IGSF22: variants seen among roughly 807,000 people sequenced by gnomAD.
The protein encoded by IGSF22 is immunoglobulin superfamily member 22.
A neutral mutation model predicts 127.0 loss-of-function variants in IGSF22; 119 were observed. The ratio of observed to expected loss-of-function variants is 0.94; its 90% CI spans 0.81 to 1.09. The LOEUF is 1.09. Among genes scored for constraint, IGSF22 ranks in the 50% least tolerant of loss-of-function variants. The probability of loss-of-function intolerance (pLI) is 0.00; values close to 1 mark genes in which losing one functional copy is unlikely to be tolerated. For missense variants in IGSF22, 1,518 were observed against 1,716.6 expected (o/e 0.88, Z 2.04); for synonymous variants, 568 against 664.7 (o/e 0.85, Z 2.24).
In IGSF22 at chr11:18,712,322, T is replaced by G. The variant is rs765292522; in HGVS notation, c.2158A>C (p.Met720Leu). The change falls in exon 15 of 23, where the codon ATG (methionine) becomes CTG (leucine). Residue 720 changes from methionine to leucine, a missense_variant. Around this residue, in one of 3 missense-constraint regions of IGSF22, gnomAD observed 1,456 missense variants for 1,644.9 expected, o/e 0.89. Transcript: ENST00000513874. ...FLELSGSCVH[M>L]KWKAPKDNGG... ...TTGTCCTTTGGGGCCTTCCACTTCA[T>G]GTGCACACAACTACCTGAGAGCTCC... 16 of 1,551,598 alleles carry G rather than the reference T, an allele frequency of 1.0e-5. No homozygotes were observed. The highest frequency in any genetic ancestry group is 1.4e-5 in the Non-Finnish European group (16 of 1,146,998).
chr11:18,714,906 G>C (rs1027558604), intron 11 of IGSF22, among the ~76,000 whole-genome samples: 2 of 152,162 alleles, frequency 1.3e-5, no homozygotes, highest in Non-Finnish European at 2.9e-5. Flanking sequence ...ATTGATTAGT[G>C]GAGCGTGGTC....
In IGSF22 at chr11:18,705,809, G is replaced by A; in HGVS notation, c.3910+8C>T. The A allele has an allele frequency of 6.5e-7, 1 of 1,529,014 alleles. No homozygotes were observed. 94.7% of individuals were successfully genotyped at this position (1,529,014 alleles called of 1,614,324 possible). ...CCTCCTCGAGGCCGGACCCCGCGGC[G>A]CCCTCACCATAGACGGTGAGCGTGC... On this transcript the variant is annotated splice_region_variant and intron_variant, in intron 22 of 22. Transcript: ENST00000513874.
At chr11:18,719,653 C>G (rs1166721551) in intron 7 of IGSF22, 63 bp downstream of exon 7, 1 of 1,535,384 alleles carries the variant, frequency 6.5e-7, no homozygotes, top group Non-Finnish European at 8.9e-7. Flanking sequence ...TACACAGGCA[C>G]TAGCACTTTG....
chr11:18,715,387 G>A, intron 11 of IGSF22, 45 bp downstream of exon 11: 1 of 1,567,986 alleles, frequency 6.4e-7, no homozygotes, highest in Non-Finnish European at 8.6e-7. Context: ...GGGAATGCCA[G>A]GGTCAGGGGG....
In IGSF22 at chr11:18,706,902, T is replaced by C. The variant is rs1394022804; in HGVS notation, c.3580+12A>G. The C allele has an allele frequency of 3.4e-6, 5 of 1,484,772 alleles. No individual in the cohort carries two copies. In the South Asian group the frequency reaches 6.9e-5, roughly 20 times the overall value. 92.0% of individuals were successfully genotyped at this position (1,484,772 alleles called of 1,614,324 possible). On this transcript the variant is annotated intron_variant, in intron 21 of 22. Transcript: ENST00000513874. ...ACCCAGACTTAACCCTAACTGCAAG[T>C]CCCAGACTCACTCTGGTCCTTATTG...
rs543347161 is a variant in IGSF22 at position 18,707,043 on chromosome 11, TGAA to T, written c.3448_3450del (p.Phe1150del). 2.5e-3 allele frequency: 3,942 copies of T among 1,551,708 alleles called. 12 individuals carry two copies. Among genetic ancestry groups the T allele is most frequent in the Middle Eastern group, 5.5e-3 (33 of 5,992 alleles). Reference sequence around the variant, plus strand: ...AGCCCCGTCACTGTGTACTTGTTGCTGAAGACACGCTCGGCTGCCGTGTACCAG... The same window carrying T: ...AGCCCCGTCACTGTGTACTTGTTGCTGACACGCTCGGCTGCCGTGTACCAG... On this transcript the variant is annotated inframe_deletion, in exon 21 of 23. Coordinates refer to ENST00000513874, the MANE Select transcript of IGSF22 (RefSeq NM_173588.4).
At position 18,719,832 on chromosome 11, in the gene IGSF22, T is replaced by C. The variant is rs116644375; in HGVS notation, c.580A>G (p.Ile194Val). The C allele has an allele frequency of 1.9e-4, 301 of 1,614,144 alleles. 1 individual carries two copies. In the African/African-American group the frequency reaches 3.6e-3, roughly 19 times the overall value. The change falls in exon 7 of 23, where the codon ATT becomes GTT. Residue 194 changes from isoleucine (I) to valine (V), a missense_variant. Physicochemically the swap from Ile to Val is conservative, Grantham distance 29. Coordinates refer to ENST00000513874, the MANE Select transcript of IGSF22 (RefSeq NM_173588.4). ...KVANEKEMLE[I>V]LSKVPKKDFE... ...TCTTTCTTGGGCACTTTGGACAAAATCTCCAGCATCTCTTTCTCATTTGCC... is the reference window on the plus strand; with the variant it reads ...TCTTTCTTGGGCACTTTGGACAAAACCTCCAGCATCTCTTTCTCATTTGCC...
chr11:18,705,645 A>ACAT (rs1217607163), intron 22 of IGSF22, 172 bp downstream of exon 22: 9 of 622,056 alleles, frequency 1.4e-5, no homozygotes, highest in South Asian at 2.0e-5. Flanking sequence ...ATAACAAATG[A>ACAT]CATCGAAAGG....
In IGSF22 at chr11:18,715,904, A is replaced by T. The variant is rs368660405; in HGVS notation, c.1247-188T>A. On this transcript the variant is annotated intron_variant, in intron 10 of 22. Transcript: ENST00000513874. Reference sequence around the variant, plus strand: ...AGGGAGAGTCTCAGCTCTGGCCCTGACTTGCTAGTTGACTGTATACAACTC... The same window carrying T: ...AGGGAGAGTCTCAGCTCTGGCCCTGTCTTGCTAGTTGACTGTATACAACTC... Among the ~76,000 whole-genome samples, 54 of 152,332 alleles carry T rather than the reference A, an allele frequency of 3.5e-4. 1 individual carries two copies. In the South Asian group the frequency reaches 0.011, roughly 31 times the overall value.
chr11:18,708,296 C>A lies in IGSF22; in HGVS notation c.2999-1G>T. On this transcript the variant is annotated splice_acceptor_variant, in intron 18 of 22. Coordinates refer to ENST00000513874, the MANE Select transcript of IGSF22 (RefSeq NM_173588.4). LOFTEE classifies it high-confidence loss of function. ...GCACTGAGGTCAAACTTGGGTGCAGCTGAGATGGAGGAGACAGAGGTGGAG... is the reference window on the plus strand; with the variant it reads ...GCACTGAGGTCAAACTTGGGTGCAGATGAGATGGAGGAGACAGAGGTGGAG... 6.5e-7 allele frequency: 1 copy of A among 1,542,716 alleles called. No individual in the cohort carries two copies.
chr11:18,717,808 A>G, intron 9 of IGSF22, 123 bp downstream of exon 9: 1 of 1,067,138 alleles, frequency 9.4e-7, no homozygotes, highest in Non-Finnish European at 1.4e-6. Context: ...CCATCCCCAC[A>G]CAATCCTTTC....
At position 18,712,180 on chromosome 11, in the gene IGSF22, T is replaced by A. The variant is rs1470592906; in HGVS notation, c.2300A>T (p.Glu767Val). 1 of 1,551,620 alleles carries A rather than the reference T, an allele frequency of 6.4e-7. No homozygotes were observed. Among genetic ancestry groups the A allele is most frequent in the Non-Finnish European group, 8.7e-7 (1 of 1,147,014 alleles). ...ACGGAACTGGTAGGCTTTTCCCTCTTCCACCTTGTTGGTGGAGAAGTTGGT... is the reference window on the plus strand; with the variant it reads ...ACGGAACTGGTAGGCTTTTCCCTCTACCACCTTGTTGGTGGAGAAGTTGGT... Reference protein sequence around the residue: ...KVTNFSTNKVEEGKAYQFRIL... With the variant: ...KVTNFSTNKVVEGKAYQFRIL... The change falls in exon 15 of 23, where the codon GAA becomes GTA. Residue 767 changes from glutamate (E) to valine (V), a missense_variant. Transcript: ENST00000513874.
intron 20 of IGSF22, 77 bp downstream of exon 20, chr11:18,707,727 C>G: frequency 1.4e-5 from 18 of 1,264,332 alleles, no homozygotes; most frequent in Non-Finnish European, 1.9e-5. Context: ...GTGGTAGGAA[C>G]TCAAGCGGCA....
In IGSF22 at chr11:18,709,845, A is replaced by C. The variant is rs1039252429; in HGVS notation, c.2702-162T>G. Among the ~76,000 whole-genome samples, 16 of 152,170 alleles carry C rather than the reference A, an allele frequency of 1.1e-4. No homozygotes were observed. The highest frequency in any genetic ancestry group is 1.8e-4 in the Non-Finnish European group (12 of 68,032). On this transcript the variant is annotated intron_variant, in intron 17 of 22. Transcript: ENST00000513874. The surrounding 1 kb of genome is among the most constrained non-coding windows in gnomAD (Gnocchi z 4.8). ...ACCTAGCCTTATACACTCAACCTCC[A>C]AATTCAAATTCAGTTATCTTACTGT...
chr11:18,717,238 G>A (rs1212641982), intron 9 of IGSF22, among the ~76,000 whole-genome samples: 1 of 152,156 alleles, frequency 6.6e-6, no homozygotes, highest in East Asian at 1.9e-4. Flanking sequence ...TTTTAGATAT[G>A]TTCCAGGCAC....
chr11:18,722,093 G>A (rs1451395723), intron 2 of IGSF22, 52 bp from the exon 3 acceptor site: 1 of 1,606,342 alleles, frequency 6.2e-7, no homozygotes. Flanking sequence ...AGCCCAGCTC[G>A]CGATGGGAGG....
rs1848223210 is a variant in IGSF22, at chr11:18,706,108, T to C, written c.3619A>G (p.Lys1207Glu). 5.2e-6 allele frequency: 8 copies of C among 1,545,238 alleles called. No individual in the cohort carries two copies. The highest frequency in any genetic ancestry group is 4.1e-5 in the African/African-American group (3 of 73,034). The change falls in exon 22 of 23, where the codon AAG becomes GAG. Residue 1207 changes from lysine (K) to glutamate (E), a missense_variant. Transcript: ENST00000513874. ...LSAKLKPYEK[K>E]DWRHAPRFVT... ...AAGCGCGGCGCGTGGCGCCAGTCCT[T>C]CTTCTCGTAGGGCTTGAGCTTGGCG... is the stretch of plus-strand genomic sequence containing the variant.
chr11:18,708,349 T>G (rs541554710), intron 18 of IGSF22, 54 bp from the exon 19 acceptor site: 1 of 1,407,486 alleles, frequency 7.1e-7, no homozygotes, highest in African/African-American at 1.4e-5. Context: ...AAGAAGACTC[T>G]GCTTTAAGCC....
At chr11:18,718,939 A>G (rs1848512917) in intron 7 of IGSF22, among the ~76,000 whole-genome samples, 1 of 152,232 alleles carries the variant, frequency 6.6e-6, no homozygotes, top group Non-Finnish European at 1.5e-5. Context: ...TTCATGGAAT[A>G]GTCACTATGT....
Sources: gnomAD v4.1 joint callset for allele counts (sites outside exome capture counted in the v4.1 genomes callset) on GRCh38, gnomAD v4.1.1 for gene constraint, gnomAD v4.1.1 regional missense constraint, Gnocchi (gnomAD v3.1) non-coding constraint, MANE v1.5 for transcripts, NCBI Gene and HGNC (gene_info 2026-07-23, HGNC 2026-07-21) for gene names.